Variants in HSD11B1 observed in about 807,000 individuals in gnomAD.
HSD11B1 encodes 11-beta-hydroxysteroid dehydrogenase 1.
A neutral mutation model predicts 22.1 loss-of-function variants in HSD11B1; 15 were observed. The observed-to-expected ratio is 0.68, with a 90% CI of 0.45 to 1.04. HSD11B1 has a LOEUF of 1.04. HSD11B1 is among the 50% of genes least tolerant of loss of function. HSD11B1 has a pLI of 0.00. For synonymous variants in HSD11B1, 122 were observed against 125.2 expected, an observed-to-expected ratio of 0.97 and a Z score of 0.17; for missense variants, 281 against 357.6, an observed-to-expected ratio of 0.79 and a Z score of 1.73.
chr1:209,686,578 G>C (rs1298077401), intron 1 of HSD11B1, among the ~76,000 whole-genome samples: 1 of 152,212 alleles, frequency 6.6e-6, no homozygotes, highest in South Asian at 2.1e-4. Context: ...AGAAAGTCAA[G>C]TTGGAACAAA....
chr1:209,732,399 C>A, intron 4 of HSD11B1, 37 bp from the exon 5 acceptor site: 1 of 1,612,778 alleles, frequency 6.2e-7, no homozygotes. Context: ...GTGAAATGGG[C>A]AGCCTTATTA....
At chr1:209,703,915 T>C (rs2076839960), upstream of HSD11B1, among the ~76,000 whole-genome samples, 1 of 152,232 alleles carries the variant, frequency 6.6e-6, no homozygotes, top group African/African-American at 2.4e-5. Flanking sequence ...AATGAATTCG[T>C]GCTACGGACA....
At chr1:209,711,113 T>C (rs2076892124) in intron 4 of HSD11B1, among the ~76,000 whole-genome samples, 1 of 152,208 alleles carries the variant, frequency 6.6e-6, no homozygotes, top group Non-Finnish European at 1.5e-5. Context: ...CTGTGTGGTC[T>C]AAATCTATTT....
At chr1:209,724,412 C>T (rs1242966826) in intron 4 of HSD11B1, among the ~76,000 whole-genome samples, 1 of 152,184 alleles carries the variant, frequency 6.6e-6, no homozygotes, top group African/African-American at 2.4e-5. Flanking sequence ...CAGTGTCAGC[C>T]CCTTTATTTC....
intron 4 of HSD11B1, among the ~76,000 whole-genome samples, chr1:209,717,276 C>T (rs2076936070): frequency 6.6e-6 from 1 of 152,060 alleles, no homozygotes; most frequent in Non-Finnish European, 1.5e-5. Flanking sequence ...AGACATAGAA[C>T]ATATAAATGG....
At chr1:209,726,320 A>T (rs2077001651) in intron 4 of HSD11B1, among the ~76,000 whole-genome samples, 2 of 147,024 alleles carry the variant, frequency 1.4e-5, no homozygotes, top group Non-Finnish European at 1.5e-5. Flanking sequence ...AATATTTTTT[A>T]GGCTTGGCAC....
intron 1 of HSD11B1, among the ~76,000 whole-genome samples, chr1:209,705,372 C>CAAAA (rs5780533): frequency 6.0e-5 from 5 of 83,040 alleles, no homozygotes; most frequent in South Asian, 4.2e-4. Flanking sequence ...AAGTGGGAGG[C>CAAAA]AAAAAAAAAA....
chr1:209,689,871 G>T (rs1440529442), intron 1 of HSD11B1, among the ~76,000 whole-genome samples: 2 of 152,140 alleles, frequency 1.3e-5, no homozygotes, highest in Non-Finnish European at 2.9e-5. Context: ...CCGGGCATGG[G>T]ACAAAAGCCT....
chr1:209,721,593 G>A (rs115114086), intron 4 of HSD11B1, among the ~76,000 whole-genome samples: 2,555 of 151,996 alleles, frequency 0.017, 88 homozygotes, highest in African/African-American at 0.056. Flanking sequence ...CACTGCTGCC[G>A]CCCATTCCCC....
intron 4 of HSD11B1, among the ~76,000 whole-genome samples, chr1:209,726,483 G>A (rs2077003405): frequency 6.6e-6 from 1 of 152,036 alleles, no homozygotes; most frequent in South Asian, 2.1e-4. Flanking sequence ...GCATGCATCT[G>A]TAATCCCAGC....
intron 4 of HSD11B1, among the ~76,000 whole-genome samples, chr1:209,708,791 A>T (rs1245898579): frequency 6.6e-6 from 1 of 152,262 alleles, no homozygotes; most frequent in African/African-American, 2.4e-5. Flanking sequence ...TGTTGAGCCC[A>T]AGGACGTGAT....
At chr1:209,697,884 C>CTTTTTTTTTTTTTCTTTTTTTT (rs2076800777) in intron 1 of HSD11B1, among the ~76,000 whole-genome samples, 1 of 41,586 alleles carries the variant, frequency 2.4e-5, no homozygotes, top group Non-Finnish European at 4.5e-5. Flanking sequence ...TTGTTTTTTC[C>CTTTTTTTTTTTTTCTTTTTTTT]TTTTTTTTTT....
intron 4 of HSD11B1, among the ~76,000 whole-genome samples, chr1:209,721,414 A>T (rs2076965740): frequency 6.8e-6 from 1 of 147,048 alleles, no homozygotes; most frequent in Non-Finnish European, 1.5e-5. Context: ...AAAAAAAAAT[A>T]GGTTGTGTGT....
chr1:209,701,949 TACTC>T (rs2076829185), upstream of HSD11B1, among the ~76,000 whole-genome samples: 1 of 152,310 alleles, frequency 6.6e-6, no homozygotes, highest in South Asian at 2.1e-4. Context: ...TGGGCTCTAA[TACTC>T]ACCTCCAGCA....
At chr1:209,725,165 T>C (rs1010549509) in intron 4 of HSD11B1, among the ~76,000 whole-genome samples, 4 of 152,202 alleles carry the variant, frequency 2.6e-5, no homozygotes, top group Non-Finnish European at 4.4e-5. Context: ...AGATGCGATG[T>C]AATACCTATT....
chr1:209,730,824 G>T (rs1469444468), intron 4 of HSD11B1, among the ~76,000 whole-genome samples: 1 of 152,130 alleles, frequency 6.6e-6, no homozygotes, highest in Non-Finnish European at 1.5e-5. Context: ...TGCAAGAGTG[G>T]CACCCGAAAG....
intron 4 of HSD11B1, among the ~76,000 whole-genome samples, chr1:209,718,548 T>TC (rs1228153821): frequency 6.6e-6 from 1 of 151,896 alleles, no homozygotes; most frequent in Non-Finnish European, 1.5e-5. Context: ...ATGGCTACTA[T>TC]CCCCCACACC....
chr1:209,712,997 C>T (rs371428704), intron 4 of HSD11B1, among the ~76,000 whole-genome samples: 11 of 151,928 alleles, frequency 7.2e-5, no homozygotes, highest in African/African-American at 2.2e-4. Context: ...TGCAGTGAGC[C>T]GAGATCGCAC....
chr1:209,718,362 T>C (rs2076943351), intron 4 of HSD11B1, among the ~76,000 whole-genome samples: 1 of 152,168 alleles, frequency 6.6e-6, no homozygotes, highest in African/African-American at 2.4e-5. Context: ...TATATACAAA[T>C]ATTACGTATC....
Sources: gnomAD v4.1 joint callset for allele counts (sites outside exome capture counted in the v4.1 genomes callset) on GRCh38, gnomAD v4.1.1 for gene constraint, MANE v1.5 for transcripts, NCBI Gene and HGNC (gene_info 2026-07-23, HGNC 2026-07-21) for gene names.